GSK3B: variants seen among roughly 807,000 people sequenced by gnomAD.
GSK3B encodes glycogen synthase kinase 3 beta.
A neutral mutation model predicts 56.4 loss-of-function variants in GSK3B; 15 were observed. The observed-to-expected ratio is 0.27, with a 90% confidence interval of 0.18 to 0.41. The LOEUF (loss-of-function observed/expected upper bound fraction) is 0.41, where lower values mean the gene tolerates loss of function less well. GSK3B is among the 10% of genes least tolerant of loss of function. GSK3B has a pLI of 1.00. For missense variants in GSK3B, 300 were observed against 513.4 expected (o/e 0.58, Z 4.02); for synonymous variants, 181 against 188.9 (o/e 0.96, Z 0.34).
intron 7 of GSK3B, among the ~76,000 whole-genome samples, chr3:119,879,620 T>C (rs779489701): frequency 6.6e-6 from 1 of 152,130 alleles, no homozygotes; most frequent in Non-Finnish European, 1.5e-5. Flanking sequence ...TTTGTACCCA[T>C]TAACCATCCC....
At chr3:119,913,767 T>C (rs1452383209) in intron 5 of GSK3B, among the ~76,000 whole-genome samples, 1 of 152,064 alleles carries the variant, frequency 6.6e-6, no homozygotes, top group African/African-American at 2.4e-5. Context: ...TTCTAGTCAA[T>C]GATGACTCTA....
At chr3:120,039,816 C>A (rs113323252) in intron 1 of GSK3B, among the ~76,000 whole-genome samples, 1 of 152,228 alleles carries the variant, frequency 6.6e-6, no homozygotes, top group African/African-American at 2.4e-5. Context: ...AAGATACACC[C>A]TTCTGCAGAA....
At chr3:119,952,852 G>A (rs1191171722) in intron 2 of GSK3B, among the ~76,000 whole-genome samples, 1 of 151,872 alleles carries the variant, frequency 6.6e-6, no homozygotes, top group Non-Finnish European at 1.5e-5. Context: ...ACTTGAACAA[G>A]TACCTTGAGC....
chr3:119,827,749 T>G (rs2055536936), intron 10 of GSK3B, among the ~76,000 whole-genome samples: 1 of 152,018 alleles, frequency 6.6e-6, no homozygotes. Context: ...TTGCATGTTC[T>G]CACTTATTTG....
chr3:119,891,340 A>T (rs2056499169), intron 7 of GSK3B, among the ~76,000 whole-genome samples: 2 of 152,110 alleles, frequency 1.3e-5, no homozygotes, highest in East Asian at 3.9e-4. Flanking sequence ...GCAAAGATTC[A>T]GAACGCATGA....
chr3:120,073,148 A>C (rs1322406903), intron 1 of GSK3B, among the ~76,000 whole-genome samples: 2 of 149,854 alleles, frequency 1.3e-5, no homozygotes, highest in Non-Finnish European at 3.0e-5. Context: ...GCACTCTGAG[A>C]GGACAAGGCA....
At chr3:120,000,688 T>C (rs1265625952) in intron 2 of GSK3B, among the ~76,000 whole-genome samples, 1 of 151,712 alleles carries the variant, frequency 6.6e-6, no homozygotes, top group East Asian at 1.9e-4. Context: ...TACCACAACA[T>C]AGAGATGACA....
intron 6 of GSK3B, among the ~76,000 whole-genome samples, chr3:119,910,046 C>T (rs1373520311): frequency 6.6e-6 from 1 of 152,118 alleles, no homozygotes; most frequent in Non-Finnish European, 1.5e-5. Flanking sequence ...CATACTATCA[C>T]TTTCATTATT....
intron 2 of GSK3B, among the ~76,000 whole-genome samples, chr3:120,001,275 T>C (rs772360372): frequency 3.0e-4 from 45 of 152,148 alleles, no homozygotes; most frequent in Non-Finnish European, 4.9e-4. Context: ...CTCACGCCTG[T>C]AATCCCAGCA....
At chr3:119,836,473 C>T (rs143985703) in intron 10 of GSK3B, among the ~76,000 whole-genome samples, 338 of 152,250 alleles carry the variant, frequency 2.2e-3, no homozygotes, top group Admixed American at 3.5e-3. Context: ...TGTCTTTAAA[C>T]TCACAATCTA....
chr3:120,072,892 G>C (rs2058337877), intron 1 of GSK3B, among the ~76,000 whole-genome samples: 1 of 152,144 alleles, frequency 6.6e-6, no homozygotes, highest in Non-Finnish European at 1.5e-5. Flanking sequence ...TATGTTAACT[G>C]AACGCAAAAT....
intron 7 of GSK3B, among the ~76,000 whole-genome samples, chr3:119,884,243 C>CA (rs2056410347): frequency 6.6e-6 from 1 of 152,080 alleles, no homozygotes; most frequent in South Asian, 2.1e-4. Context: ...TGAACCCAGG[C>CA]AAAAAATACA....
At chr3:119,849,537 TATGGCCC>T (rs2055900199) in intron 9 of GSK3B, among the ~76,000 whole-genome samples, 1 of 152,230 alleles carries the variant, frequency 6.6e-6, no homozygotes, top group Admixed American at 6.5e-5. Flanking sequence ...TCCCTCTCCT[TATGGCCC>T]ATGCTGTCCA....
intron 1 of GSK3B, among the ~76,000 whole-genome samples, chr3:120,065,176 A>C (rs1396423898): frequency 6.6e-6 from 1 of 152,194 alleles, no homozygotes; most frequent in Non-Finnish European, 1.5e-5. Flanking sequence ...CTAAAAAGAG[A>C]ATGAAAAGAA....
intron 1 of GSK3B, among the ~76,000 whole-genome samples, chr3:120,092,796 G>GGAAGTTCATCCACA (rs573226727): frequency 8.5e-4 from 129 of 152,264 alleles, no homozygotes; most frequent in Admixed American, 2.6e-3. Flanking sequence ...TGGTTACTGA[G>GGAAGTTCATCCACA]GAAGTTCATC....
chr3:119,845,573 G>T (rs546009580), intron 9 of GSK3B, among the ~76,000 whole-genome samples: 1 of 152,134 alleles, frequency 6.6e-6, no homozygotes, highest in African/African-American at 2.4e-5. Flanking sequence ...GCTACAAAAA[G>T]AATAAAATAC....
chr3:120,053,227 C>T (rs1032449171), intron 1 of GSK3B, among the ~76,000 whole-genome samples: 1 of 152,144 alleles, frequency 6.6e-6, no homozygotes, highest in Admixed American at 6.5e-5. Context: ...ATCCCAGCTA[C>T]TCGGGAGGCT....
chr3:119,965,043 T>G (rs954907140), intron 2 of GSK3B, among the ~76,000 whole-genome samples: 26 of 149,336 alleles, frequency 1.7e-4, no homozygotes, highest in African/African-American at 6.1e-4. Context: ...GTTTTCTTTT[T>G]TTTTTTTTTT....
chr3:120,062,408 G>A (rs1291070267), intron 1 of GSK3B, among the ~76,000 whole-genome samples: 1 of 152,026 alleles, frequency 6.6e-6, no homozygotes, highest in Non-Finnish European at 1.5e-5. Flanking sequence ...AATATTTAAA[G>A]ATAAAACACT....
Sources: gnomAD v4.1 joint callset for allele counts (sites outside exome capture counted in the v4.1 genomes callset) on GRCh38, gnomAD v4.1.1 for gene constraint, MANE v1.5 for transcripts, NCBI Gene and HGNC (gene_info 2026-07-23, HGNC 2026-07-21) for gene names.